HSPA12B: variants seen among roughly 807,000 people sequenced by gnomAD.
HSPA12B encodes the protein heat shock 70 kDa protein 12B.
HSPA12B carries 54 observed loss-of-function variants against 69.3 expected under a neutral mutation model. That is an observed-to-expected ratio of 0.78 (90% CI 0.63 to 0.98). The LOEUF is 0.98. Ranked by LOEUF, HSPA12B falls within the 50% of genes least tolerant of loss-of-function variation. The pLI, the probability that HSPA12B is intolerant of heterozygous loss-of-function variation, is 0.00. For missense variants in HSPA12B, 929 were observed against 999.8 expected (o/e 0.93, Z 0.96); for synonymous variants, 441 against 436.5 (o/e 1.01, Z -0.13).
chr20:3,745,849 C>A lies in HSPA12B; in HGVS notation c.559-66C>A. The A allele has an allele frequency of 7.3e-7, 1 of 1,373,740 alleles. No individual in the cohort carries two copies. Among genetic ancestry groups the A allele is most frequent in the Non-Finnish European group, 1.0e-6 (1 of 961,042 alleles). 85.1% of individuals were successfully genotyped at this position (1,373,740 alleles called of 1,614,324 possible). ...GTGATTTGATTAGTACCTCCAGTTC[C>A]GCAGAGGGCTGAAGACCACCCTCCC... On this transcript the variant is annotated intron_variant, in intron 6 of 12. Transcript: ENST00000254963. The surrounding 1 kb of genome is among the most constrained non-coding windows in gnomAD (Gnocchi z 5.6).
chr20:3,745,141 G>A lies in HSPA12B; in HGVS notation c.453+53G>A. On this transcript the variant is annotated intron_variant, in intron 5 of 12. Transcript: ENST00000254963. The surrounding 1 kb of genome is among the most constrained non-coding windows in gnomAD (Gnocchi z 5.6). ...GCGGGGCCAGCATGGAAAAGGGCAG[G>A]GCTAATGGGGGTGGGTGGGACAAAA... 1 of 1,462,612 alleles carries A rather than the reference G, an allele frequency of 6.8e-7. No individual in the cohort carries two copies. Among genetic ancestry groups the A allele is most frequent in the Non-Finnish European group, 9.4e-7 (1 of 1,058,820 alleles). 90.6% of individuals were successfully genotyped at this position (1,462,612 alleles called of 1,614,324 possible). A position where few individuals can be genotyped will look rare whatever the true frequency, so the allele number is the denominator to read the frequency against.
rs778154140 is a variant in HSPA12B at position 3,751,935 on chromosome 20, CTGCGCGGCAGAGGA to C, written c.1837_1850del (p.Ala613LeufsTer18). 1 of 1,587,956 alleles carries C rather than the reference CTGCGCGGCAGAGGA, an allele frequency of 6.3e-7. No individual in the cohort carries two copies. The highest frequency in any genetic ancestry group is 8.5e-7 in the Non-Finnish European group (1 of 1,171,994). ...GGCGCGTACTCATCAACCTGTACTGCTGCGCGGCAGAGGATGCGCGCTTCATCACCGACCCCGGC... is the reference window on the plus strand; with the variant it reads ...GGCGCGTACTCATCAACCTGTACTGCTGCGCGCTTCATCACCGACCCCGGC... On this transcript the variant is annotated frameshift_variant, in exon 13 of 13. Coordinates refer to ENST00000254963, the MANE Select transcript of HSPA12B (RefSeq NM_052970.5). LOFTEE classifies it high-confidence loss of function.
chr20:3,739,185 A>AGAGAGT (rs1234478816), intron 2 of HSPA12B, among the ~76,000 whole-genome samples: 1 of 151,124 alleles, frequency 6.6e-6, no homozygotes. Context: ...GTGGGCATGC[A>AGAGAGT]TACAGAGAGT....
rs746893091 is a variant in HSPA12B at position 3,740,922 on chromosome 20, G to A, written c.141+10G>A. ...ACCCTCGCAGTCTCCAGTAAGCCCA[G>A]AGCAGGGACCAGGTGGTGGGTGACC... On this transcript the variant is annotated intron_variant, in intron 3 of 12. Coordinates refer to ENST00000254963, the MANE Select transcript of HSPA12B (RefSeq NM_052970.5). This position sits in a 1 kb window ranked among gnomAD's most constrained non-coding sequence, Gnocchi z 4.9. 3.7e-6 allele frequency: 6 copies of A among 1,607,318 alleles called. No homozygotes were observed. The highest frequency in any genetic ancestry group is 5.1e-6 in the Non-Finnish European group (6 of 1,175,950).
chr20:3,746,655 G>A (rs1292053250), intron 7 of HSPA12B, among the ~76,000 whole-genome samples: 1 of 152,172 alleles, frequency 6.6e-6, no homozygotes, highest in East Asian at 1.9e-4. Context: ...TCAGGAGAAA[G>A]GCGAGGGAGG....
rs1053120723 is a variant in HSPA12B, at chr20:3,751,907, AGCGGCGCGTACTCATCAACCTGTACT to A, written c.1805_1830del (p.Arg602LeufsTer25). ...AGCTACTGCCCGGCGCGTCCCGGCC[AGCGGCGCGTACTCATCAACCTGTACT>A]GCTGCGCGGCAGAGGATGCGCGCTT... On this transcript the variant is annotated frameshift_variant, in exon 13 of 13. Transcript: ENST00000254963. LOFTEE classifies it high-confidence loss of function. 4.4e-6 allele frequency: 7 copies of A among 1,575,244 alleles called. No individual in the cohort carries two copies. The Admixed American group carries it at 8.8e-5, about 20-fold the overall frequency.
chr20:3,750,821 G>A lies in HSPA12B; in HGVS notation c.1319G>A (p.Trp440Ter). Residue 440 changes from tryptophan (W) to a stop codon, truncating the protein, a stop_gained, in exon 12 of 13, where the codon TGG becomes TAG. Coordinates refer to ENST00000254963, the MANE Select transcript of HSPA12B (RefSeq NM_052970.5). LOFTEE classifies it high-confidence loss of function. ...ACCAACAGCGTGAACTTCGTGAAGT[G>A]GTCCTCACAGGGGATGCTCCGAATG... ...LRRSSVNFVK[W>*]SSQGMLRMSC... 6.2e-7 allele frequency: 1 copy of A among 1,613,902 alleles called. No individual in the cohort carries two copies. The highest frequency in any genetic ancestry group is 8.5e-7 in the Non-Finnish European group (1 of 1,180,028).
chr20:3,750,433 C>T (rs911938515), intron 11 of HSPA12B, among the ~76,000 whole-genome samples: 3 of 152,138 alleles, frequency 2.0e-5, no homozygotes, highest in Non-Finnish European at 2.9e-5. Flanking sequence ...ATCCGCAGCC[C>T]GAACTGGGGC....
At position 3,740,527 on chromosome 20, in the gene HSPA12B, C is replaced by T. The variant is rs189701709; in HGVS notation, c.44-288C>T. On this transcript the variant is annotated intron_variant, in intron 2 of 12. Transcript: ENST00000254963. The surrounding 1 kb of genome is among the most constrained non-coding windows in gnomAD (Gnocchi z 4.9). ...TGCCACACAATGCTTTTCTGTCTCT[C>T]TCCCCTCCCACACTGTGTGTCTGAG... is the stretch of plus-strand genomic sequence containing the variant. Among the ~76,000 whole-genome samples the T allele has an allele frequency of 5.8e-4, 89 of 152,326 alleles. No homozygotes were observed. The highest frequency in any genetic ancestry group is 5.3e-4 in the Non-Finnish European group (36 of 68,018).
chr20:3,738,943 A>T (rs1165895294), intron 2 of HSPA12B, among the ~76,000 whole-genome samples: 2 of 152,008 alleles, frequency 1.3e-5, no homozygotes, highest in Admixed American at 1.3e-4. Flanking sequence ...GTATGTGAGT[A>T]TGTGTGCACA....
In HSPA12B at chr20:3,742,520, C is replaced by A. The variant is rs112506027; in HGVS notation, c.266+112C>A. On this transcript the variant is annotated intron_variant, in intron 4 of 12. Transcript: ENST00000254963. ...GGGGTCTCCTTGGAGGCCCTGCCAC[C>A]CCCAGTCTGGGGCTCCCCACTGGGG... 6 of 846,930 alleles carry A rather than the reference C, an allele frequency of 7.1e-6. No individual in the cohort carries two copies. In the African/African-American group the frequency reaches 8.4e-5, roughly 12 times the overall value. 52.5% of individuals were successfully genotyped at this position (846,930 alleles called of 1,614,324 possible). A position where few individuals can be genotyped will look rare whatever the true frequency, so the allele number is the denominator to read the frequency against.
rs1372624036 is a variant in HSPA12B, at chr20:3,740,774, C to T, written c.44-41C>T. ...GCTTGGGGCCCCGCTGCCATACCTA[C>T]CCTGCTTGTGCCAGGATGAACTGCC... is the stretch of plus-strand genomic sequence containing the variant. On this transcript the variant is annotated intron_variant, in intron 2 of 12. Coordinates refer to ENST00000254963, the MANE Select transcript of HSPA12B (RefSeq NM_052970.5). This position sits in a 1 kb window ranked among gnomAD's most constrained non-coding sequence, Gnocchi z 4.9. 1 of 1,570,242 alleles carries T rather than the reference C, an allele frequency of 6.4e-7. No homozygotes were observed. Among genetic ancestry groups the T allele is most frequent in the Non-Finnish European group, 8.7e-7 (1 of 1,146,208 alleles).
chr20:3,743,630 G>A (rs1231752114), intron 4 of HSPA12B, among the ~76,000 whole-genome samples: 2 of 152,248 alleles, frequency 1.3e-5, no homozygotes, highest in Non-Finnish European at 2.9e-5. Flanking sequence ...TTTCATGTCA[G>A]CACATACGAA....
At position 3,751,541 on chromosome 20, in the gene HSPA12B, G is replaced by A. The variant is rs756084398; in HGVS notation, c.1436G>A (p.Gly479Asp). 1.1e-5 allele frequency: 17 copies of A among 1,481,386 alleles called. No homozygotes were observed. In the South Asian group the frequency reaches 1.8e-4, roughly 15 times the overall value. 91.8% of individuals were successfully genotyped at this position (1,481,386 alleles called of 1,614,324 possible). A position where few individuals can be genotyped will look rare whatever the true frequency, so the allele number is the denominator to read the frequency against. The part of the protein sequence containing the change: ...EALLARPEVQ[G>D]VKLLFLVGGF... ...CTGCTGGCACGGCCGGAGGTGCAGG[G>A]TGTGAAGCTGCTGTTCCTAGTGGGC... The change falls in exon 13 of 13, where the codon GGT (glycine) becomes GAT (aspartate). Residue 479 changes from glycine (G) to aspartate (D), a missense_variant. Coordinates refer to ENST00000254963, the MANE Select transcript of HSPA12B (RefSeq NM_052970.5).
At position 3,749,605 on chromosome 20, in the gene HSPA12B, C is replaced by T. The variant is rs1231680443; in HGVS notation, c.938-145C>T. On this transcript the variant is annotated intron_variant, in intron 9 of 12. Coordinates refer to ENST00000254963, the MANE Select transcript of HSPA12B (RefSeq NM_052970.5). This position sits in a 1 kb window ranked among gnomAD's most constrained non-coding sequence, Gnocchi z 5.5. The stretch of plus-strand genomic sequence containing the variant: ...TATGTGGTGGTCTGAGGTTCAAGCA[C>T]CTGAAGCCCCTCACGTCCCTCCCCC... 1 of 643,238 alleles carries T rather than the reference C, an allele frequency of 1.6e-6. No homozygotes were observed. Among genetic ancestry groups the T allele is most frequent in the East Asian group, 2.8e-5 (1 of 36,046 alleles). The allele number at this position is 643,238 out of a possible 1,614,324, so 39.8% of individuals were successfully genotyped here. A position where few individuals can be genotyped will look rare whatever the true frequency, so the allele number is the denominator to read the frequency against.
In HSPA12B at chr20:3,744,911, G is replaced by A; in HGVS notation, c.276G>A (p.Glu92=). ...PEAIHMMRKW[E]GGDPGVAHQK... is the part of the protein sequence containing the mutation. ...CCCTGTGCCTCCGCAGGAAATGGGA[G>A]GGCGGAGACCCGGGCGTGGCCCACC... is the stretch of plus-strand genomic sequence containing the variant. Residue 92 remains glutamate, a synonymous_variant, in exon 5 of 13, where the codon GAG becomes GAA. Coordinates refer to ENST00000254963, the MANE Select transcript of HSPA12B (RefSeq NM_052970.5). The surrounding 1 kb of genome is among the most constrained non-coding windows in gnomAD (Gnocchi z 4.9). 1 of 1,612,578 alleles carries A rather than the reference G, an allele frequency of 6.2e-7. No homozygotes were observed.
chr20:3,741,859 C>T (rs1600314949), intron 3 of HSPA12B, among the ~76,000 whole-genome samples: 1 of 152,210 alleles, frequency 6.6e-6, no homozygotes, highest in Non-Finnish European at 1.5e-5. Context: ...GTTTGTGTCA[C>T]TATGGCCACA....
At position 3,749,209 on chromosome 20, in the gene HSPA12B, C is replaced by A; in HGVS notation, c.851-23C>A. Reference sequence around the variant, plus strand: ...TGGAGCACCTCCTTCTAATCTCACTCCCTGCTGTCTCCTGACCCCCAGCTC... The same window carrying A: ...TGGAGCACCTCCTTCTAATCTCACTACCTGCTGTCTCCTGACCCCCAGCTC... On this transcript the variant is annotated intron_variant, in intron 8 of 12. Transcript: ENST00000254963. The surrounding 1 kb of genome is among the most constrained non-coding windows in gnomAD (Gnocchi z 5.5). 1 of 1,604,702 alleles carries A rather than the reference C, an allele frequency of 6.2e-7. No individual in the cohort carries two copies. Among genetic ancestry groups the A allele is most frequent in the East Asian group, 2.2e-5 (1 of 44,626 alleles).
chr20:3,743,506 T>A (rs2088243743), intron 4 of HSPA12B, among the ~76,000 whole-genome samples: 1 of 152,108 alleles, frequency 6.6e-6, no homozygotes, highest in African/African-American at 2.4e-5. Flanking sequence ...CCACAAATAT[T>A]TTTCTAAGCT....
Sources: gnomAD v4.1 joint callset for allele counts (sites outside exome capture counted in the v4.1 genomes callset) on GRCh38, gnomAD v4.1.1 for gene constraint, Gnocchi (gnomAD v3.1) non-coding constraint, MANE v1.5 for transcripts, NCBI Gene and HGNC (gene_info 2026-07-23, HGNC 2026-07-21) for gene names.